Variants in ZMYND8 observed in about 807,000 individuals in gnomAD.
ZMYND8 encodes zinc finger MYND-type containing 8.
In ZMYND8, 37 loss-of-function variants were observed where a neutral mutation model predicts 140.8. The observed-to-expected ratio is 0.26, with a 90% CI of 0.20 to 0.35. The LOEUF is 0.35. Ranked by LOEUF, ZMYND8 falls within the 10% of genes least tolerant of loss-of-function variation. ZMYND8 has a pLI of 1.00. For missense variants in ZMYND8, 1,068 were observed against 1,570.0 expected, an observed-to-expected ratio of 0.68 and a Z score of 5.40; for synonymous variants, 592 against 597.1, an observed-to-expected ratio of 0.99 and a Z score of 0.12.
chr20:47,311,091 G>A (rs2078894841), intron 2 of ZMYND8, among the ~76,000 whole-genome samples: 1 of 152,204 alleles, frequency 6.6e-6, no homozygotes, highest in East Asian at 1.9e-4. Flanking sequence ...CTCCTTTGTG[G>A]AAAACAACAT....
chr20:47,214,799 T>C (rs1181075008), intron 21 of ZMYND8, among the ~76,000 whole-genome samples: 1 of 152,106 alleles, frequency 6.6e-6, no homozygotes, highest in Non-Finnish European at 1.5e-5. Context: ...CTGACCTAAA[T>C]GCGGGGCTAA....
Position 47,276,549 on chromosome 20 carries a change from C to T in ZMYND8, c.1245G>A (p.Glu415=), listed in dbSNP as rs3827047. ...TCATGTCAAAGTTGAGCTTGACCTT[C>T]TCCTGCTTGTCTATCTTGGCAGTGC... is the stretch of plus-strand genomic sequence containing the variant. ...SAGTAKIDKQ[E]KVKLNFDMTA... is the part of the protein sequence containing the mutation. The change falls in exon 11 of 23, where the codon GAG becomes GAA. Residue 415 remains glutamate (E), a synonymous_variant. Transcript: ENST00000471951. 6.2e-7 allele frequency: 1 copy of T among 1,613,940 alleles called. No homozygotes were observed. Among genetic ancestry groups the T allele is most frequent in the Non-Finnish European group, 8.5e-7 (1 of 1,180,022 alleles).
intron 21 of ZMYND8, among the ~76,000 whole-genome samples, chr20:47,219,100 C>T (rs2036561918): frequency 7.1e-6 from 1 of 140,428 alleles, no homozygotes; most frequent in African/African-American, 2.6e-5. Context: ...CTCTGTCTTC[C>T]AGGCTGGAGC....
intron 2 of ZMYND8, among the ~76,000 whole-genome samples, chr20:47,326,532 T>G (rs984093704): frequency 3.9e-5 from 6 of 152,250 alleles, no homozygotes; most frequent in African/African-American, 1.4e-4. Context: ...GAGATGGCCA[T>G]TTAACCAAAT....
intron 6 of ZMYND8, 52 bp from the exon 7 acceptor site, chr20:47,290,326 G>A (rs2077174432): frequency 6.6e-7 from 1 of 1,515,406 alleles, no homozygotes; most frequent in East Asian, 2.3e-5. Flanking sequence ...ACAAGCCACA[G>A]TCAGTGACTC....
intron 3 of ZMYND8, among the ~76,000 whole-genome samples, chr20:47,304,034 T>C (rs1337644975): frequency 1.3e-5 from 2 of 152,194 alleles, no homozygotes; most frequent in East Asian, 1.9e-4. Context: ...AAAAATAATC[T>C]GATAACAAAT....
chr20:47,262,997 TTACTG>T (rs2075265913), intron 11 of ZMYND8, among the ~76,000 whole-genome samples: 2 of 152,136 alleles, frequency 1.3e-5, no homozygotes, highest in Non-Finnish European at 2.9e-5. Flanking sequence ...ATGTCCTTCT[TTACTG>T]TATTTCAAAC....
intron 12 of ZMYND8, among the ~76,000 whole-genome samples, chr20:47,255,489 A>AAT (rs1190692870): frequency 1.9e-4 from 29 of 150,000 alleles, no homozygotes; most frequent in Admixed American, 8.0e-4. Context: ...TGGAGATATA[A>AAT]ATATATATAT....
rs376994519 is a variant in ZMYND8 at position 47,214,984 on chromosome 20, G to C, written c.3485-2259C>G. Among the ~76,000 whole-genome samples the C allele has an allele frequency of 1.3e-3, 201 of 152,314 alleles. 1 individual carries two copies. The highest frequency in any genetic ancestry group is 4.7e-3 in the African/African-American group (195 of 41,570). ...TATGATCCCAGCTACTCAAGAGGCTGAAGTGGGAGAATGGCTTGAGCTCAG... is the reference window on the plus strand; with the variant it reads ...TATGATCCCAGCTACTCAAGAGGCTCAAGTGGGAGAATGGCTTGAGCTCAG... On this transcript the variant is annotated intron_variant, in intron 21 of 22. Transcript: ENST00000471951.
intron 4 of ZMYND8, among the ~76,000 whole-genome samples, chr20:47,295,148 T>C (rs1416735471): frequency 6.6e-6 from 1 of 152,170 alleles, no homozygotes; most frequent in Admixed American, 6.5e-5. Context: ...ATCCCAGCAC[T>C]TGGGGAGGCT....
At chr20:47,221,549 C>T in intron 19 of ZMYND8, 75 bp from the exon 20 acceptor site, 1 of 1,515,400 alleles carries the variant, frequency 6.6e-7, no homozygotes, top group South Asian at 1.3e-5. Flanking sequence ...TGGAGCCCCG[C>T]CCTGCACCCA....
intron 11 of ZMYND8, among the ~76,000 whole-genome samples, chr20:47,273,866 C>G (rs2076104142): frequency 6.6e-6 from 1 of 152,154 alleles, no homozygotes; most frequent in Non-Finnish European, 1.5e-5. Flanking sequence ...CTATCTAGCC[C>G]CTGACAGAAA....
At chr20:47,296,083 CT>C (rs11477134) in intron 4 of ZMYND8, among the ~76,000 whole-genome samples, 21,257 of 152,126 alleles carry the variant, frequency 0.14, 1,520 homozygotes, top group East Asian at 0.2. Flanking sequence ...CTACCACAGC[CT>C]TGCAACGTTC....
At chr20:47,287,831 A>G (rs779948902) in intron 7 of ZMYND8, among the ~76,000 whole-genome samples, 4 of 128,998 alleles carry the variant, frequency 3.1e-5, no homozygotes, top group Non-Finnish European at 1.6e-5. Flanking sequence ...ACCTCTAGAA[A>G]AAAACAACAC....
At chr20:47,215,593 A>AAAACTCC (rs143815391) in intron 21 of ZMYND8, among the ~76,000 whole-genome samples, 1,662 of 151,964 alleles carry the variant, frequency 0.011, 24 homozygotes, top group African/African-American at 0.038. Flanking sequence ...CTGCAGTCTC[A>AAAACTCC]AAACTCCTAG....
intron 3 of ZMYND8, among the ~76,000 whole-genome samples, chr20:47,304,437 G>A (rs1176733795): frequency 6.6e-6 from 1 of 152,226 alleles, no homozygotes; most frequent in Non-Finnish European, 1.5e-5. Flanking sequence ...ATAAATGAAT[G>A]ACTGTAGCTG....
At chr20:47,235,782 A>C (rs2147142616) in intron 16 of ZMYND8, among the ~76,000 whole-genome samples, 1 of 151,942 alleles carries the variant, frequency 6.6e-6, no homozygotes, top group Non-Finnish European at 1.5e-5. Flanking sequence ...CCATGAGTTC[A>C]CCAACAACAG....
intron 14 of ZMYND8, among the ~76,000 whole-genome samples, chr20:47,243,859 C>T (rs1043444435): frequency 1.3e-5 from 2 of 152,216 alleles, no homozygotes; most frequent in Non-Finnish European, 2.9e-5. Context: ...GAAATAAATG[C>T]TACTCCTATT....
intron 3 of ZMYND8, among the ~76,000 whole-genome samples, chr20:47,302,047 C>T (rs1601729935): frequency 1.3e-5 from 2 of 152,190 alleles, no homozygotes; most frequent in African/African-American, 4.8e-5. Flanking sequence ...TTGTAAGTTT[C>T]CTGAGGCCTC....
Sources: allele counts gnomAD v4.1 joint callset (sites outside exome capture counted in the v4.1 genomes callset), GRCh38; gene constraint gnomAD v4.1.1; transcripts MANE v1.5; gene names NCBI Gene and HGNC (gene_info 2026-07-23, HGNC 2026-07-21).